The following ZFHX3 variants were observed in gnomAD, a reference collection of about 807,000 sequenced individuals.
ZFHX3 encodes the protein zinc finger homeobox protein 3.
A neutral mutation model predicts 279.1 loss-of-function variants in ZFHX3; 42 were observed. That is an observed-to-expected ratio of 0.15 (90% CI 0.12 to 0.19). The LOEUF is 0.19. Among genes scored for constraint, ZFHX3 ranks in the 10% least tolerant of loss-of-function variants. The pLI is 1.00. For synonymous variants in ZFHX3, 2,293 were observed against 1,957.8 expected (o/e 1.17, Z -4.52); for missense variants, 4,981 against 4,754.0 (o/e 1.05, Z -1.40).
chr16:72,917,092 T>C (rs2039460511), intron 3 of ZFHX3, among the ~76,000 whole-genome samples: 1 of 151,996 alleles, frequency 6.6e-6, no homozygotes, highest in South Asian at 2.1e-4. Context: ...AACACAAAAA[T>C]TAGCCAGGTA....
chr16:72,950,438 AG>A, intron 3 of ZFHX3, 30 bp downstream of exon 3: 1 of 1,541,450 alleles, frequency 6.5e-7, no homozygotes, highest in South Asian at 1.3e-5. Context: ...TTTCAGAAAG[AG>A]CGCCTGAGCC....
intron 3 of ZFHX3, among the ~76,000 whole-genome samples, chr16:72,895,047 A>G (rs1419918695): frequency 6.6e-6 from 1 of 152,076 alleles, no homozygotes; most frequent in Non-Finnish European, 1.5e-5. Flanking sequence ...CCCAAAGAAA[A>G]CCAGCTGGTG....
At chr16:73,690,395 AAATCAATTTT>A (rs1444873416) in intron 1 of ZFHX3, among the ~76,000 whole-genome samples, 7 of 152,190 alleles carry the variant, frequency 4.6e-5, no homozygotes, top group Non-Finnish European at 1.0e-4. Flanking sequence ...AGAAAATTTC[AAATCAATTTT>A]GGGCCACATG....
intron 2 of ZFHX3, chr16:73,483,453 A>C (rs1011165594): frequency 1.5e-5 from 7 of 452,260 alleles, no homozygotes; most frequent in Admixed American, 1.2e-4. Context: ...AAATAAAAGC[A>C]TGGGGGCTGT....
intron 1 of ZFHX3, among the ~76,000 whole-genome samples, chr16:73,714,729 G>T (rs1326696219): frequency 6.6e-6 from 1 of 152,040 alleles, no homozygotes; most frequent in Non-Finnish European, 1.5e-5. Flanking sequence ...GATTATTTTT[G>T]ATGTTTTCCA....
intron 1 of ZFHX3, among the ~76,000 whole-genome samples, chr16:72,974,382 C>T (rs986105200): frequency 3.3e-5 from 5 of 152,072 alleles, no homozygotes; most frequent in Admixed American, 1.3e-4. Context: ...TGGCCTTGGG[C>T]GAAGGAAAGT....
chr16:72,961,393 T>C (rs1961571418), intron 1 of ZFHX3, among the ~76,000 whole-genome samples: 1 of 152,258 alleles, frequency 6.6e-6, no homozygotes, highest in Non-Finnish European at 1.5e-5. Flanking sequence ...GCTCTGCTCC[T>C]GCAGTAATAT....
At chr16:73,570,320 A>G (rs2051720445) in intron 2 of ZFHX3, among the ~76,000 whole-genome samples, 1 of 152,226 alleles carries the variant, frequency 6.6e-6, no homozygotes, top group African/African-American at 2.4e-5. Context: ...GAAGTTAAAT[A>G]CACATTGATT....
intron 2 of ZFHX3, among the ~76,000 whole-genome samples, chr16:73,560,806 G>T (rs368541769): frequency 2.0e-5 from 3 of 152,192 alleles, no homozygotes; most frequent in African/African-American, 7.2e-5. Context: ...TGTGTGAGTC[G>T]CTGCTACTTA....
chr16:73,467,683 A>C (rs1005620310), intron 2 of ZFHX3, among the ~76,000 whole-genome samples: 2 of 152,178 alleles, frequency 1.3e-5, no homozygotes. Context: ...TAACTTCTCT[A>C]TATGTATGAA....
intron 4 of ZFHX3, among the ~76,000 whole-genome samples, chr16:72,846,971 C>T (rs1041321937): frequency 4.6e-5 from 7 of 152,138 alleles, no homozygotes; most frequent in African/African-American, 1.7e-4. Flanking sequence ...TGAAGCCTCT[C>T]CCTGAGAAGA....
intron 4 of ZFHX3, among the ~76,000 whole-genome samples, chr16:73,260,680 GTTTTTTT>G (rs370384540): frequency 3.7e-4 from 33 of 88,402 alleles, no homozygotes; most frequent in African/African-American, 1.3e-3. Flanking sequence ...CACCTATCTG[GTTTTTTT>G]TTTTTTTTTT....
At chr16:73,746,891 A>T (rs1173054759) in intron 1 of ZFHX3, among the ~76,000 whole-genome samples, 2 of 152,178 alleles carry the variant, frequency 1.3e-5, no homozygotes, top group Admixed American at 6.5e-5. Flanking sequence ...CAAAGTACAC[A>T]CTTTTCCTAA....
intron 4 of ZFHX3, among the ~76,000 whole-genome samples, chr16:73,304,405 C>A (rs1173691577): frequency 6.6e-6 from 1 of 152,140 alleles, no homozygotes; most frequent in Non-Finnish European, 1.5e-5. Context: ...ACCTTGAGGT[C>A]CCCGCGTGCC....
At chr16:73,580,927 A>T (rs2051854910) in intron 2 of ZFHX3, among the ~76,000 whole-genome samples, 1 of 151,624 alleles carries the variant, frequency 6.6e-6, no homozygotes, top group Non-Finnish European at 1.5e-5. Context: ...GACCTTATAT[A>T]TTTCTTGCCA....
chr16:72,899,622 G>A (rs1448068762), intron 3 of ZFHX3, among the ~76,000 whole-genome samples: 1 of 152,104 alleles, frequency 6.6e-6, no homozygotes, highest in Non-Finnish European at 1.5e-5. Context: ...GATGGTTTGT[G>A]GGGCACTCTA....
At chr16:73,428,397 G>A (rs1483510459) in intron 3 of ZFHX3, among the ~76,000 whole-genome samples, 1 of 152,154 alleles carries the variant, frequency 6.6e-6, no homozygotes, top group Non-Finnish European at 1.5e-5. Flanking sequence ...TGCAATGCAC[G>A]AGCCAGGAAG....
chr16:73,574,935 G>A (rs77732058), intron 2 of ZFHX3, among the ~76,000 whole-genome samples: 3,288 of 152,174 alleles, frequency 0.022, 135 homozygotes, highest in African/African-American at 0.072. Context: ...CCCCACCGAC[G>A]ACGTTCTACT....
intron 8 of ZFHX3, among the ~76,000 whole-genome samples, chr16:73,086,894 C>A (rs1966017101): frequency 6.6e-6 from 1 of 151,988 alleles, no homozygotes. Context: ...AAGAACAAGA[C>A]CCTGTCTCAA....
Sources: gnomAD v4.1 joint callset for allele counts (sites outside exome capture counted in the v4.1 genomes callset) on GRCh38, gnomAD v4.1.1 for gene constraint, MANE v1.5 for transcripts, NCBI Gene and HGNC (gene_info 2026-07-23, HGNC 2026-07-21) for gene names.